Variants in CRB1 observed in about 807,000 individuals in gnomAD.
CRB1 encodes the protein protein crumbs homolog 1.
In CRB1, 83 loss-of-function variants were observed where a neutral mutation model predicts 120.0. That is an observed-to-expected ratio of 0.69 (90% CI 0.58 to 0.83). CRB1 has a LOEUF of 0.83. Among genes scored for constraint, CRB1 ranks in the 40% least tolerant of loss-of-function variants. The pLI is 0.00. For missense variants in CRB1, 1,699 were observed against 1,687.6 expected, an observed-to-expected ratio of 1.01 and a Z score of -0.12; for synonymous variants, 625 against 612.5, an observed-to-expected ratio of 1.02 and a Z score of -0.30.
At chr1:197,246,607 T>C in the CRB1 span, among the ~76,000 whole-genome samples, 16 of 152,120 alleles carry the variant, frequency 1.1e-4, no homozygotes, top group African/African-American at 3.9e-4. Context: ...GAAAAATATG[T>C]CTACTACAGT....
intron 8 of CRB1, 79 bp downstream of exon 8, chr1:197,429,693 A>G: frequency 2.8e-6 from 4 of 1,432,826 alleles, no homozygotes; most frequent in Non-Finnish European, 3.9e-6. Flanking sequence ...ACAGAAAAAG[A>G]GTATAGACAA....
chr1:197,389,112 C>T (rs1266397021), intron 5 of CRB1, among the ~76,000 whole-genome samples: 3 of 152,006 alleles, frequency 2.0e-5, no homozygotes, highest in Non-Finnish European at 2.9e-5. Context: ...TTGCTGTTGG[C>T]AAGGTATCAT....
chr1:197,203,485 G>A, the CRB1 span, among the ~76,000 whole-genome samples: 3 of 152,002 alleles, frequency 2.0e-5, no homozygotes, highest in South Asian at 2.1e-4. Context: ...CTACCACACC[G>A]GGCTAATTTT....
At chr1:197,282,695 G>A (rs1377455235) in intron 1 of CRB1, among the ~76,000 whole-genome samples, 1 of 151,636 alleles carries the variant, frequency 6.6e-6, no homozygotes, top group Non-Finnish European at 1.5e-5. Context: ...AGAATATAAG[G>A]CACAGAGAAA....
intron 11 of CRB1, among the ~76,000 whole-genome samples, chr1:197,457,012 TG>T (rs1666313516): frequency 6.6e-6 from 1 of 152,152 alleles, no homozygotes; most frequent in Admixed American, 6.6e-5. Context: ...TGACCACTGC[TG>T]CAATATTGAA....
chr1:197,208,351 A>G, the CRB1 span, among the ~76,000 whole-genome samples: 3 of 152,286 alleles, frequency 2.0e-5, no homozygotes, highest in Admixed American at 2.0e-4. Flanking sequence ...TGGGTAGACT[A>G]TGTTAGAGAG....
intron 5 of CRB1, among the ~76,000 whole-genome samples, chr1:197,376,494 A>T (rs1661652798): frequency 6.6e-6 from 1 of 152,092 alleles, no homozygotes; most frequent in South Asian, 2.1e-4. Context: ...CAGCATATTC[A>T]CCCAGTTGGT....
At chr1:197,464,267 G>C (rs1666657320) in intron 11 of CRB1, among the ~76,000 whole-genome samples, 1 of 152,092 alleles carries the variant, frequency 6.6e-6, no homozygotes, top group Non-Finnish European at 1.5e-5. Context: ...AATCTGTGCT[G>C]TACAAGCCGA....
intron 11 of CRB1, among the ~76,000 whole-genome samples, chr1:197,446,939 A>G (rs1287146575): frequency 6.6e-6 from 1 of 152,184 alleles, no homozygotes; most frequent in Non-Finnish European, 1.5e-5. Flanking sequence ...GGGTGTATAT[A>G]TTTGGGATAT....
At chr1:197,468,075 G>A (rs1001933971) in intron 11 of CRB1, among the ~76,000 whole-genome samples, 2 of 152,114 alleles carry the variant, frequency 1.3e-5, no homozygotes, top group African/African-American at 4.8e-5. Flanking sequence ...CAGGCATGCA[G>A]GAAATATCCC....
chr1:197,436,137 A>T (rs1053040039), intron 9 of CRB1, among the ~76,000 whole-genome samples: 4 of 152,144 alleles, frequency 2.6e-5, no homozygotes, highest in African/African-American at 9.7e-5. Flanking sequence ...CTCCCAAAAC[A>T]TAACAACTAT....
chr1:197,301,803 A>G lies in CRB1; in HGVS notation c.71-26619A>G, dbSNP rs549928747. ...ATGTGGTGGAAATAGCAGGAGAAGTAGAATTAGAAGTGGACCTGAAGATGT... is the reference window on the plus strand; with the variant it reads ...ATGTGGTGGAAATAGCAGGAGAAGTGGAATTAGAAGTGGACCTGAAGATGT... On this transcript the variant is annotated intron_variant, in intron 1 of 11. Coordinates refer to ENST00000367400, the MANE Select transcript of CRB1 (RefSeq NM_201253.3). Among the ~76,000 whole-genome samples the G allele has an allele frequency of 4.2e-4, 64 of 152,290 alleles. No homozygotes were observed. The South Asian group carries it at 0.013, about 31-fold the overall frequency.
chr1:197,413,845 A>G, intron 5 of CRB1: 1 of 443,720 alleles, frequency 2.3e-6, no homozygotes, highest in Non-Finnish European at 4.6e-6. Context: ...AAGAGGTGAC[A>G]TTGAAGAACA....
intron 5 of CRB1, among the ~76,000 whole-genome samples, chr1:197,375,416 A>G (rs535008065): frequency 3.3e-5 from 5 of 152,296 alleles, no homozygotes; most frequent in Admixed American, 3.3e-4. Flanking sequence ...CAGTAAGCCA[A>G]TCTGTTTTTT....
chr1:197,302,923 G>C (rs1382861240), intron 1 of CRB1, among the ~76,000 whole-genome samples: 1 of 152,090 alleles, frequency 6.6e-6, no homozygotes, highest in Non-Finnish European at 1.5e-5. Flanking sequence ...CTCTTTAATA[G>C]TTCCAGATAC....
At chr1:197,374,940 C>T (rs1661567045) in intron 5 of CRB1, among the ~76,000 whole-genome samples, 1 of 152,122 alleles carries the variant, frequency 6.6e-6, no homozygotes, top group African/African-American at 2.4e-5. Flanking sequence ...CCATATAAGG[C>T]TGTTTGTTTT....
intron 5 of CRB1, among the ~76,000 whole-genome samples, chr1:197,386,638 A>G (rs1299850136): frequency 1.3e-5 from 2 of 152,202 alleles, no homozygotes; most frequent in African/African-American, 2.4e-5. Flanking sequence ...GACTGCAAGA[A>G]ATAATAGTCT....
chr1:197,437,416 A>G (rs1287081037), intron 9 of CRB1, among the ~76,000 whole-genome samples: 1 of 152,154 alleles, frequency 6.6e-6, no homozygotes, highest in Non-Finnish European at 1.5e-5. Context: ...GTGAATTTTG[A>G]TAAGTAAAAT....
chr1:197,396,213 A>T (rs919551236), intron 5 of CRB1, among the ~76,000 whole-genome samples: 3 of 152,166 alleles, frequency 2.0e-5, no homozygotes, highest in Non-Finnish European at 4.4e-5. Flanking sequence ...TGAAACTGAA[A>T]TTTTTAAAGT....
Sources: allele counts gnomAD v4.1 joint callset (sites outside exome capture counted in the v4.1 genomes callset), GRCh38; gene constraint gnomAD v4.1.1; transcripts MANE v1.5; gene names NCBI Gene and HGNC (gene_info 2026-07-23, HGNC 2026-07-21).